The following TBC1D22A variants were observed in gnomAD, a reference collection of about 807,000 sequenced individuals.
TBC1D22A encodes the protein TBC1 domain family member 22A, also known as putative GTPase activator.
A neutral mutation model predicts 60.2 loss-of-function variants in TBC1D22A; 38 were observed. The ratio of observed to expected loss-of-function variants is 0.63; its 90% confidence interval spans 0.49 to 0.83. The LOEUF is 0.83. Among genes scored for constraint, TBC1D22A ranks in the 40% least tolerant of loss-of-function variants. The pLI, the probability that TBC1D22A is intolerant of heterozygous loss-of-function variation, is 0.00. For missense variants in TBC1D22A, 628 were observed against 701.0 expected (o/e 0.90, Z 1.18); for synonymous variants, 302 against 281.7 (o/e 1.07, Z -0.72).
At chr22:46,792,932 C>G in intron 2 of TBC1D22A, 1 of 1,298,800 alleles carries the variant, frequency 7.7e-7, no homozygotes, top group South Asian at 1.7e-5. Context: ...TGCTGGAGCC[C>G]GGCCCTGGCC....
intron 10 of TBC1D22A, among the ~76,000 whole-genome samples, chr22:47,027,460 G>A (rs571587824): frequency 3.3e-5 from 5 of 152,128 alleles, no homozygotes; most frequent in African/African-American, 9.6e-5. Flanking sequence ...AACCCATTTC[G>A]GGGTCCTTTA....
At chr22:46,853,394 G>T (rs1027796441) in intron 4 of TBC1D22A, among the ~76,000 whole-genome samples, 1 of 152,202 alleles carries the variant, frequency 6.6e-6, no homozygotes, top group Non-Finnish European at 1.5e-5. Flanking sequence ...AAGGATGGGC[G>T]CAGGAAATCT....
intron 11 of TBC1D22A, among the ~76,000 whole-genome samples, chr22:47,090,367 C>T (rs894879588): frequency 6.6e-6 from 1 of 152,264 alleles, no homozygotes; most frequent in African/African-American, 2.4e-5. Context: ...GGTGCATAGA[C>T]ATTTCTGCCT....
intron 8 of TBC1D22A, among the ~76,000 whole-genome samples, chr22:46,960,292 T>C (rs575703288): frequency 6.6e-6 from 1 of 152,152 alleles, no homozygotes; most frequent in Admixed American, 6.5e-5. Flanking sequence ...ACGGAGTTTT[T>C]GCTCTGTTGC....
At chr22:46,968,938 T>C (rs1317186449) in intron 8 of TBC1D22A, among the ~76,000 whole-genome samples, 1 of 152,228 alleles carries the variant, frequency 6.6e-6, no homozygotes, top group African/African-American at 2.4e-5. Flanking sequence ...CATATCCATC[T>C]GTCCACTCGT....
intron 4 of TBC1D22A, among the ~76,000 whole-genome samples, chr22:46,856,156 G>T (rs752888952): frequency 6.6e-6 from 1 of 152,324 alleles, no homozygotes; most frequent in African/African-American, 2.4e-5. Context: ...GCACGTGCCA[G>T]AGAGGTCTTG....
chr22:46,829,839 C>T (rs1028634106), intron 4 of TBC1D22A, among the ~76,000 whole-genome samples: 6 of 152,014 alleles, frequency 3.9e-5, no homozygotes, highest in East Asian at 1.9e-4. Flanking sequence ...AGTTCAGTGC[C>T]GCGTGAAACA....
At chr22:47,161,785 C>A (rs1352657211) in intron 12 of TBC1D22A, among the ~76,000 whole-genome samples, 1 of 152,258 alleles carries the variant, frequency 6.6e-6, no homozygotes, top group Non-Finnish European at 1.5e-5. Flanking sequence ...GTGGACCCGA[C>A]AGTGTGAGCT....
intron 4 of TBC1D22A, among the ~76,000 whole-genome samples, chr22:46,867,273 C>G (rs187756894): frequency 1.1e-4 from 17 of 152,296 alleles, no homozygotes; most frequent in Admixed American, 7.2e-4. Context: ...ATGCTGCTGC[C>G]AGTGCTTGGA....
intron 11 of TBC1D22A, among the ~76,000 whole-genome samples, chr22:47,039,596 A>T (rs1259362891): frequency 6.6e-6 from 1 of 151,880 alleles, no homozygotes; most frequent in Non-Finnish European, 1.5e-5. Flanking sequence ...CATGAGGGTG[A>T]CAAAAGGCTT....
chr22:46,899,723 A>C (rs1380003872), intron 7 of TBC1D22A, among the ~76,000 whole-genome samples: 2 of 152,180 alleles, frequency 1.3e-5, no homozygotes, highest in Admixed American at 6.5e-5. Context: ...AGGGATAATA[A>C]GACGTGGGTA....
At chr22:46,796,936 G>A (rs2084679431) in intron 3 of TBC1D22A, among the ~76,000 whole-genome samples, 1 of 152,240 alleles carries the variant, frequency 6.6e-6, no homozygotes, top group Non-Finnish European at 1.5e-5. Flanking sequence ...ACGCTCTTGA[G>A]ATGGCAGGTG....
In TBC1D22A at chr22:46,894,800, CT is replaced by C; in HGVS notation, c.855del (p.Arg286AlafsTer2). Reference sequence around the variant, plus strand: ...CTTCTCCAGATCCACATAGACATCCCTCGCATGAGCCCTGAAGCGTTGATCC... The same window carrying C: ...CTTCTCCAGATCCACATAGACATCCCCGCATGAGCCCTGAAGCGTTGATCC... ...DTYRQIHIDIPRMSPEALILQ... is the reference protein window; with the variant it reads ...DTYRQIHIDIXRMSPEALILQ... On this transcript the variant is annotated frameshift_variant, in exon 7 of 13. Coordinates refer to ENST00000337137, the MANE Select transcript of TBC1D22A (RefSeq NM_014346.5). LOFTEE classifies it high-confidence loss of function. 1 of 1,614,234 alleles carries C rather than the reference CT, an allele frequency of 6.2e-7. No individual in the cohort carries two copies. Among genetic ancestry groups the C allele is most frequent in the Non-Finnish European group, 8.5e-7 (1 of 1,180,038 alleles).
At chr22:47,070,311 T>C (rs111884747) in intron 11 of TBC1D22A, among the ~76,000 whole-genome samples, 578 of 86,746 alleles carry the variant, frequency 6.7e-3, no homozygotes, top group African/African-American at 0.02. Context: ...GCTGACTTGA[T>C]GGTTCCAGGC....
At chr22:46,932,368 T>C (rs1352121694) in intron 8 of TBC1D22A, among the ~76,000 whole-genome samples, 3 of 152,242 alleles carry the variant, frequency 2.0e-5, no homozygotes, top group African/African-American at 7.2e-5. Flanking sequence ...GAAAGACCTG[T>C]TGAGAATTCA....
chr22:46,946,784 G>A (rs927692461), intron 8 of TBC1D22A, among the ~76,000 whole-genome samples: 1 of 152,190 alleles, frequency 6.6e-6, no homozygotes, highest in African/African-American at 2.4e-5. Context: ...CTCTAGGTTG[G>A]TATTCAGACC....
chr22:46,889,030 G>A lies in TBC1D22A; in HGVS notation c.709-2236G>A, dbSNP rs113709118. Reference sequence around the variant, plus strand: ...AAAATCTTTTTAAAATAAGATACAGGAACACTAATTATAAAAGAAAAACTA... The same window carrying A: ...AAAATCTTTTTAAAATAAGATACAGAAACACTAATTATAAAAGAAAAACTA... On this transcript the variant is annotated intron_variant, in intron 5 of 12. Coordinates refer to ENST00000337137, the MANE Select transcript of TBC1D22A (RefSeq NM_014346.5). 7.2e-3 allele frequency among the ~76,000 whole-genome samples: 1,101 copies of A among 152,232 alleles called. 14 individuals are homozygous for A. Among genetic ancestry groups the A allele is most frequent in the African/African-American group, 0.025 (1,022 of 41,544 alleles).
At position 47,149,270 on chromosome 22, in the gene TBC1D22A, G is replaced by A. The variant is rs545378147; in HGVS notation, c.1426-24228G>A. Among the ~76,000 whole-genome samples the A allele has an allele frequency of 3.6e-3, 551 of 152,334 alleles. 1 individual carries two copies. Among genetic ancestry groups the A allele is most frequent in the Non-Finnish European group, 6.0e-3 (405 of 68,034 alleles). On this transcript the variant is annotated intron_variant, in intron 12 of 12. Coordinates refer to ENST00000337137, the MANE Select transcript of TBC1D22A (RefSeq NM_014346.5). ...GAGGTGAGCTCACGGCCCGGCGGCG[G>A]CAGGAATCACGGACGCTCACATCTG...
chr22:47,126,725 G>A (rs112088647), intron 12 of TBC1D22A, among the ~76,000 whole-genome samples: 17 of 152,354 alleles, frequency 1.1e-4, no homozygotes, highest in African/African-American at 3.6e-4. Flanking sequence ...CAGGGACCCT[G>A]TGGTTCCAGG....
Sources: allele counts gnomAD v4.1 joint callset (sites outside exome capture counted in the v4.1 genomes callset), GRCh38; gene constraint gnomAD v4.1.1; transcripts MANE v1.5; gene names NCBI Gene and HGNC (gene_info 2026-07-23, HGNC 2026-07-21).